USF1: variants seen among roughly 807,000 people sequenced by gnomAD.
USF1 encodes upstream stimulatory factor 1.
USF1 carries 22 observed loss-of-function variants against 46.3 expected under a neutral mutation model. That is an observed-to-expected ratio of 0.47 (90% CI 0.34 to 0.68). The LOEUF is 0.68. USF1 is among the 30% of genes least tolerant of loss of function. USF1 has a pLI of 0.01. For missense variants in USF1, 287 were observed against 399.3 expected, an observed-to-expected ratio of 0.72 and a Z score of 2.40; for synonymous variants, 150 against 147.0, an observed-to-expected ratio of 1.02 and a Z score of -0.15.
At chr1:161,045,100 G>A (rs1222072719) in intron 1 of USF1, among the ~76,000 whole-genome samples, 1 of 152,210 alleles carries the variant, frequency 6.6e-6, no homozygotes, top group Non-Finnish European at 1.5e-5. Context: ...ACCTGAAGAG[G>A]AAATGCCCTG....
At chr1:161,041,001 C>T (rs2073657) in intron 7 of USF1, 129 bp from the exon 8 acceptor site, 679,176 of 1,208,552 alleles carry the variant, frequency 0.56, 200,513 homozygotes, top group Non-Finnish European at 0.62. Context: ...GTGTCTCACA[C>T]CTGTAATCCC....
At chr1:161,043,058 T>C (rs1650639957) in intron 2 of USF1, among the ~76,000 whole-genome samples, 176 bp from the exon 3 acceptor site, 1 of 152,190 alleles carries the variant, frequency 6.6e-6, no homozygotes, top group Non-Finnish European at 1.5e-5. Flanking sequence ...CTAAGTACAT[T>C]ACATGTAATC....
rs767300424 is a variant in USF1, at chr1:161,040,591, G to A, written c.699C>T (p.Ser233=). ...SKIIPDCSME[S]TKSGQSKGGI... ...TTTCCATGACCTGGCCAGACTTGGT[G>A]CTCTCCATAGAGCAGTCTGGGATTA... Residue 233 remains serine, a synonymous_variant, in exon 9 of 11, where the codon AGC becomes AGT. Transcript: ENST00000368021. The surrounding 1 kb of genome is among the most constrained non-coding windows in gnomAD (Gnocchi z 4.0). 6.2e-7 allele frequency: 1 copy of A among 1,612,544 alleles called. No homozygotes were observed. The highest frequency in any genetic ancestry group is 8.5e-7 in the Non-Finnish European group (1 of 1,179,786).
Position 161,039,973 on chromosome 1 carries a change from C to T in USF1, c.880G>A (p.Ala294Thr). The T allele has an allele frequency of 6.2e-7, 1 of 1,614,192 alleles. No individual in the cohort carries two copies. Among genetic ancestry groups the T allele is most frequent in the Non-Finnish European group, 8.5e-7 (1 of 1,180,042 alleles). Residue 294 changes from alanine to threonine, a missense_variant, in exon 11 of 11, where the codon GCT becomes ACT. Ala to Thr is a moderately conservative substitution (Grantham distance 58). Coordinates refer to ENST00000368021, the MANE Select transcript of USF1 (RefSeq NM_007122.5). ...TCTAATCCGTGGTGCCGCAACTGAG[C>T]TCGAAGCAGCAGATTCTTGTTTTTA... ...DLKNKNLLLR[A>T]QLRHHGLEVV...
rs919752252 is a variant in USF1 at position 161,040,696 on chromosome 1, T to G, written c.620-26A>C. 1 of 1,611,172 alleles carries G rather than the reference T, an allele frequency of 6.2e-7. No individual in the cohort carries two copies. The highest frequency in any genetic ancestry group is 1.7e-5 in the Admixed American group (1 of 59,964). On this transcript the variant is annotated intron_variant, in intron 8 of 10. Coordinates refer to ENST00000368021, the MANE Select transcript of USF1 (RefSeq NM_007122.5). The surrounding 1 kb of genome is among the most constrained non-coding windows in gnomAD (Gnocchi z 4.0). ...CTGTGGGGCAAAGTGGAGGACAAGG[T>G]GACTCAGTGAAAACTCGCCACAAGT...
In USF1 at chr1:161,039,286, AAAAAAAAAAAAAAAGAAAAG is replaced by A. The variant is rs1271114603; in HGVS notation, c.*614_*633del. On this transcript the variant is annotated 3_prime_UTR_variant, in exon 11 of 11. Transcript: ENST00000368021. ...CAATTTTATCTTAAAAAAAAAAAAAAAAAAAAAAAAAAAAGAAAAGAAAAAAAAAAAACGACCCCCACAAG... is the reference window on the plus strand; with the variant it reads ...CAATTTTATCTTAAAAAAAAAAAAAAAAAAAAAAAAAACGACCCCCACAAG... The A allele has an allele frequency of 6.0e-6, 1 of 165,776 alleles. No individual in the cohort carries two copies. Among genetic ancestry groups the A allele is most frequent in the African/African-American group, 2.5e-5 (1 of 40,806 alleles). The allele number at this position is 165,776 out of a possible 1,614,324, so 10.3% of individuals were successfully genotyped here.
chr1:161,043,475 G>T lies in USF1; in HGVS notation c.-85-115C>A, dbSNP rs778015030. Reference sequence around the variant, plus strand: ...GAAAATAACCCAGTCATCTGCAGGGGACAATCAGCCTCCACCATACTGATG... The same window carrying T: ...GAAAATAACCCAGTCATCTGCAGGGTACAATCAGCCTCCACCATACTGATG... On this transcript the variant is annotated intron_variant, in intron 1 of 10. Coordinates refer to ENST00000368021, the MANE Select transcript of USF1 (RefSeq NM_007122.5). 5.3e-5 allele frequency: 40 copies of T among 749,796 alleles called. 1 individual carries two copies. The highest frequency in any genetic ancestry group is 3.9e-4 in the Middle Eastern group (1 of 2,564). The allele number at this position is 749,796 out of a possible 1,614,324, so 46.4% of individuals were successfully genotyped here. A position where few individuals can be genotyped will look rare whatever the true frequency, so the allele number is the denominator to read the frequency against.
At chr1:161,041,911 C>A in intron 5 of USF1, 65 bp from the exon 6 acceptor site, 1 of 1,512,834 alleles carries the variant, frequency 6.6e-7, no homozygotes, top group Non-Finnish European at 9.1e-7. Flanking sequence ...CTACACCACT[C>A]TGCAGCTTCT....
chr1:161,041,261 CAAAA>C (rs1181304214), intron 7 of USF1, 59 bp downstream of exon 7: 6,242 of 661,468 alleles, frequency 9.4e-3, no homozygotes, highest in Middle Eastern at 0.015. Flanking sequence ...GACTCTGTCT[CAAAA>C]AAAAAAAAAA....
rs58205070 is a variant in USF1 at position 161,043,943 on chromosome 1, CTTTTTTT to C, written c.-85-590_-85-584del. Among the ~76,000 whole-genome samples, 104 of 110,288 alleles carry C rather than the reference CTTTTTTT, an allele frequency of 9.4e-4. 2 individuals carry two copies. The highest frequency in any genetic ancestry group is 3.6e-3 in the African/African-American group (98 of 26,876). 72.4% of individuals were successfully genotyped at this position (110,288 alleles called of 152,430 possible). A position where few individuals can be genotyped will look rare whatever the true frequency, so the allele number is the denominator to read the frequency against. ...CCTGGCCGAAACAACACATTTCTTTCTTTTTTTTTTTTTTTTTTCTGAGACAGAATCT... is the reference window on the plus strand; with the variant it reads ...CCTGGCCGAAACAACACATTTCTTTCTTTTTTTTTTTCTGAGACAGAATCT... On this transcript the variant is annotated intron_variant, in intron 1 of 10. Transcript: ENST00000368021.
At chr1:161,045,654 C>A (rs1650779886) in intron 1 of USF1, among the ~76,000 whole-genome samples, 1 of 152,222 alleles carries the variant, frequency 6.6e-6, no homozygotes, top group Non-Finnish European at 1.5e-5. Context: ...CGCAGGAGGG[C>A]TGGGACGCTC....
intron 5 of USF1, 22 bp from the exon 6 acceptor site, chr1:161,041,868 C>T: frequency 6.2e-7 from 1 of 1,602,310 alleles, no homozygotes; most frequent in East Asian, 2.2e-5. Flanking sequence ...AGCAAGAAAA[C>T]TGATTCTGGT....
chr1:161,042,447 CA>C, intron 4 of USF1, 107 bp downstream of exon 4: 1 of 1,268,990 alleles, frequency 7.9e-7, no homozygotes, highest in South Asian at 1.3e-5. Context: ...TGCAACAGTC[CA>C]CTCTTTCAAC....
Position 161,039,887 on chromosome 1 carries a change from G to GTTCT in USF1, c.*29_*32dup. The GTTCT allele has an allele frequency of 6.2e-7, 1 of 1,611,334 alleles. No homozygotes were observed. The stretch of plus-strand genomic sequence containing the variant: ...GGCTGTTGCTCCTGGGCTATCTGCA[G>GTTCT]TTCTTGGGCCCAAAGCCCCTGAATC... On this transcript the variant is annotated 3_prime_UTR_variant, in exon 11 of 11. Transcript: ENST00000368021.
At chr1:161,043,599 T>C (rs1033393833) in intron 1 of USF1, among the ~76,000 whole-genome samples, 1 of 150,852 alleles carries the variant, frequency 6.6e-6, no homozygotes, top group Non-Finnish European at 1.5e-5. Flanking sequence ...TGGATAATTA[T>C]ACTGGAAGAC....
Position 161,040,408 on chromosome 1 carries a change from G to A in USF1, c.715-78C>T, listed in dbSNP as rs1056512171. ...CTTTCCAAAAGTAGGTTCACACTTT[G>A]GACCTCATTTTCATCTAAGGAAGGT... On this transcript the variant is annotated intron_variant, in intron 9 of 10. Coordinates refer to ENST00000368021, the MANE Select transcript of USF1 (RefSeq NM_007122.5). This position sits in a 1 kb window ranked among gnomAD's most constrained non-coding sequence, Gnocchi z 4.0. The A allele has an allele frequency of 1.3e-6, 2 of 1,596,554 alleles. No individual in the cohort carries two copies. Among genetic ancestry groups the A allele is most frequent in the African/African-American group, 2.7e-5 (2 of 74,304 alleles).
Position 161,039,614 on chromosome 1 carries a change from G to A in USF1, c.*306C>T. The A allele has an allele frequency of 5.5e-6, 2 of 361,194 alleles. No individual in the cohort carries two copies. Among genetic ancestry groups the A allele is most frequent in the Non-Finnish European group, 1.0e-5 (2 of 194,118 alleles). The allele number at this position is 361,194 out of a possible 1,614,324, so 22.4% of individuals were successfully genotyped here. A position where few individuals can be genotyped will look rare whatever the true frequency, so the allele number is the denominator to read the frequency against. On this transcript the variant is annotated 3_prime_UTR_variant, in exon 11 of 11. Coordinates refer to ENST00000368021, the MANE Select transcript of USF1 (RefSeq NM_007122.5). ...TGCTGGGCACTCTAAGCAAGCACAG[G>A]ACAAGCCCCAGAGTTTAGTGTGTCC...
In USF1 at chr1:161,042,879, C is replaced by A. The variant is rs1212725972; in HGVS notation, c.12G>T (p.Gln4His). ...CCTCTTCCGTTTCAGCTGTTTTCTGCTGCCTGTTTGTGGTGAAAGGACAAA... is the reference window on the plus strand; with the variant it reads ...CCTCTTCCGTTTCAGCTGTTTTCTGATGCCTGTTTGTGGTGAAAGGACAAA... MKG[Q>H]QKTAETEEGT... The change falls in exon 3 of 11, where the codon CAG (glutamine) becomes CAT (histidine). Residue 4 changes from glutamine (Q) to histidine (H), a missense_variant. Physicochemically the swap from Gln to His is conservative, Grantham distance 24. Coordinates refer to ENST00000368021, the MANE Select transcript of USF1 (RefSeq NM_007122.5). 6.2e-7 allele frequency: 1 copy of A among 1,614,066 alleles called. No individual in the cohort carries two copies. Among genetic ancestry groups the A allele is most frequent in the Non-Finnish European group, 8.5e-7 (1 of 1,180,044 alleles).
Position 161,042,155 on chromosome 1 carries a change from G to A in USF1, c.237C>T (p.Gly79=), listed in dbSNP as rs145229157. ...GQLDGQTEGT[G]AISGYPATQS... is the part of the protein sequence containing the mutation. Reference sequence around the variant, plus strand: ...GAGTGGCAGGGTAGCCACTGATGGCGCCAGTTCCCTCAGTTTGGCCATCCA... The same window carrying A: ...GAGTGGCAGGGTAGCCACTGATGGCACCAGTTCCCTCAGTTTGGCCATCCA... The change falls in exon 5 of 11, where the codon GGC becomes GGT. Residue 79 remains glycine (G), a synonymous_variant. Transcript: ENST00000368021. 2.1e-4 allele frequency: 343 copies of A among 1,613,912 alleles called. No individual in the cohort carries two copies. The highest frequency in any genetic ancestry group is 3.3e-4 in the Middle Eastern group (2 of 6,060).
Sources: allele counts gnomAD v4.1 joint callset (sites outside exome capture counted in the v4.1 genomes callset), GRCh38; gene constraint gnomAD v4.1.1; non-coding constraint Gnocchi (gnomAD v3.1); transcripts MANE v1.5; gene names NCBI Gene and HGNC (gene_info 2026-07-23, HGNC 2026-07-21).